SH3RF3: variants seen among roughly 807,000 people sequenced by gnomAD.
The protein encoded by SH3RF3 is SH3 domain containing ring finger 3.
In SH3RF3, 29 loss-of-function variants were observed where a neutral mutation model predicts 66.3. The ratio of observed to expected loss-of-function variants is 0.44; its 90% CI spans 0.33 to 0.60. The LOEUF is 0.60. SH3RF3 is among the 20% of genes least tolerant of loss of function. SH3RF3 has a pLI of 0.04. For synonymous variants in SH3RF3, 583 were observed against 532.0 expected (o/e 1.10, Z -1.32); for missense variants, 1,194 against 1,190.9 (o/e 1.00, Z -0.04).
chr2:109,481,138 C>T (rs540569461), intron 8 of SH3RF3, among the ~76,000 whole-genome samples: 1 of 152,260 alleles, frequency 6.6e-6, no homozygotes, highest in East Asian at 1.9e-4. Context: ...AACCCTAAGA[C>T]GTGTCAAGAA....
At chr2:109,478,659 C>T (rs573762057) in intron 8 of SH3RF3, among the ~76,000 whole-genome samples, 1 of 152,290 alleles carries the variant, frequency 6.6e-6, no homozygotes, top group Middle Eastern at 3.4e-3. Flanking sequence ...TTCCATCCCA[C>T]ACTTGTTTAT....
intron 1 of SH3RF3, among the ~76,000 whole-genome samples, chr2:109,236,352 G>A (rs772834626): frequency 8.5e-5 from 13 of 152,104 alleles, no homozygotes; most frequent in Non-Finnish European, 1.3e-4. Context: ...CAGAGTGTGC[G>A]AGCATCCCAG....
At chr2:109,167,785 A>G (rs1352973601) in intron 1 of SH3RF3, among the ~76,000 whole-genome samples, 1 of 151,964 alleles carries the variant, frequency 6.6e-6, no homozygotes, top group South Asian at 2.1e-4. Context: ...GTTAGCCAGG[A>G]TGGTCTTGAT....
At position 109,162,172 on chromosome 2, in the gene SH3RF3, G is replaced by A. The variant is rs184479199; in HGVS notation, c.573+32059G>A. The stretch of plus-strand genomic sequence containing the variant: ...GGCTCTAACATTGACCTGGAAAGAC[G>A]CCAGGACAGATACCATGGACCTTAC... On this transcript the variant is annotated intron_variant, in intron 1 of 9. Coordinates refer to ENST00000309415, the MANE Select transcript of SH3RF3 (RefSeq NM_001099289.3). 2.0e-3 allele frequency among the ~76,000 whole-genome samples: 297 copies of A among 152,278 alleles called. 2 individuals carry two copies. Among genetic ancestry groups the A allele is most frequent in the African/African-American group, 6.8e-3 (282 of 41,550 alleles).
intron 8 of SH3RF3, among the ~76,000 whole-genome samples, chr2:109,470,782 TAGAG>T (rs1678483350): frequency 6.6e-6 from 1 of 152,182 alleles, no homozygotes; most frequent in South Asian, 2.1e-4. Context: ...GGCCACAGCT[TAGAG>T]AGACCCTTTG....
chr2:109,219,192 G>C (rs1442414692), intron 1 of SH3RF3, among the ~76,000 whole-genome samples: 1 of 152,204 alleles, frequency 6.6e-6, no homozygotes, highest in Non-Finnish European at 1.5e-5. Context: ...AGCATGGGAG[G>C]ATCCTGAACT....
At chr2:109,409,298 T>C (rs1237302278) in intron 4 of SH3RF3, among the ~76,000 whole-genome samples, 1 of 152,168 alleles carries the variant, frequency 6.6e-6, no homozygotes, top group Non-Finnish European at 1.5e-5. Context: ...CAGCAAACGT[T>C]CTAAAGGAAG....
At chr2:109,178,279 T>C (rs1677973908) in intron 1 of SH3RF3, among the ~76,000 whole-genome samples, 4 of 152,256 alleles carry the variant, frequency 2.6e-5, no homozygotes, top group Admixed American at 2.6e-4. Context: ...TCTGCCTCTT[T>C]GCTTTAATTT....
intron 1 of SH3RF3, among the ~76,000 whole-genome samples, chr2:109,325,684 C>T (rs553082151): frequency 9.2e-5 from 14 of 152,296 alleles, no homozygotes; most frequent in African/African-American, 2.2e-4. Context: ...TTTCTATATG[C>T]CCACTCATCT....
At chr2:109,279,210 G>A (rs545960099) in intron 1 of SH3RF3, among the ~76,000 whole-genome samples, 6 of 152,306 alleles carry the variant, frequency 3.9e-5, no homozygotes, top group Admixed American at 6.5e-5. Flanking sequence ...GACATGAAGC[G>A]TGCTATTAGC....
At chr2:109,485,157 T>G (rs1678936052) in intron 8 of SH3RF3, among the ~76,000 whole-genome samples, 1 of 152,206 alleles carries the variant, frequency 6.6e-6, no homozygotes, top group Non-Finnish European at 1.5e-5. Context: ...CAGCGTTTGG[T>G]GTGTGCCCAA....
chr2:109,474,611 G>C (rs529282742), intron 8 of SH3RF3, among the ~76,000 whole-genome samples: 1 of 152,144 alleles, frequency 6.6e-6, no homozygotes, highest in Non-Finnish European at 1.5e-5. Flanking sequence ...GGTTTGGGCA[G>C]GGGGGGAGAA....
intron 1 of SH3RF3, among the ~76,000 whole-genome samples, chr2:109,328,780 A>T (rs1368540962): frequency 6.6e-6 from 1 of 152,234 alleles, no homozygotes; most frequent in Non-Finnish European, 1.5e-5. Flanking sequence ...ACAGTGGTTC[A>T]TGACCACTTT....
Position 109,180,109 on chromosome 2 carries a change from A to C in SH3RF3, c.573+49996A>C, listed in dbSNP as rs1678041242. Among the ~76,000 whole-genome samples the C allele has an allele frequency of 2.0e-5, 3 of 151,164 alleles. No individual in the cohort carries two copies. In the South Asian group the frequency reaches 6.2e-4, roughly 31 times the overall value. ...ATGGGCCTCCATGGGGTTAGGAACC[A>C]CAGGAGAAGTTTTTTTTTTTTTCTC... On this transcript the variant is annotated intron_variant, in intron 1 of 9. Transcript: ENST00000309415.
chr2:109,200,542 C>G (rs1219132901), intron 1 of SH3RF3, among the ~76,000 whole-genome samples: 1 of 152,168 alleles, frequency 6.6e-6, no homozygotes, highest in Admixed American at 6.5e-5. Context: ...GCAGAGCCTC[C>G]AGGCTCCCGG....
chr2:109,334,913 T>C (rs1219441139), intron 1 of SH3RF3, among the ~76,000 whole-genome samples: 1 of 152,250 alleles, frequency 6.6e-6, no homozygotes, highest in African/African-American at 2.4e-5. Context: ...TTTTGCTTTT[T>C]AGGCTGGCCT....
chr2:109,265,293 G>A (rs1013337526), intron 1 of SH3RF3, among the ~76,000 whole-genome samples: 1 of 152,168 alleles, frequency 6.6e-6, no homozygotes, highest in Non-Finnish European at 1.5e-5. Context: ...GGCTGTGTTC[G>A]CCAACTGCTG....
intron 8 of SH3RF3, among the ~76,000 whole-genome samples, chr2:109,452,635 T>A (rs1677908648): frequency 1.3e-5 from 2 of 152,130 alleles, no homozygotes; most frequent in African/African-American, 4.8e-5. Context: ...TATCCCTGTG[T>A]GTGGAGAAGG....
At chr2:109,359,407 GA>G (rs61619249) in intron 2 of SH3RF3, among the ~76,000 whole-genome samples, 2,957 of 152,206 alleles carry the variant, frequency 0.019, 91 homozygotes, top group African/African-American at 0.067. Context: ...CCATGAACAT[GA>G]AATATCTATT....
Sources: allele counts gnomAD v4.1 joint callset (sites outside exome capture counted in the v4.1 genomes callset), GRCh38; gene constraint gnomAD v4.1.1; transcripts MANE v1.5; gene names NCBI Gene and HGNC (gene_info 2026-07-23, HGNC 2026-07-21).